WDR26: variants seen among roughly 807,000 people sequenced by gnomAD.
The protein encoded by WDR26 is WD repeat domain 26.
In WDR26, 5 loss-of-function variants were observed where a neutral mutation model predicts 84.1. That is an observed-to-expected ratio of 0.06 (90% CI 0.03 to 0.13). The LOEUF is 0.13. Among genes scored for constraint, WDR26 ranks in the 10% least tolerant of loss-of-function variants. The pLI, the probability that WDR26 is intolerant of heterozygous loss-of-function variation, is 1.00. For synonymous variants in WDR26, 415 were observed against 389.6 expected (o/e 1.07, Z -0.77); for missense variants, 642 against 974.9 (o/e 0.66, Z 4.55).
Position 224,404,588 on chromosome 1 carries a change from C to T in WDR26, c.1459-18G>A. Reference sequence around the variant, plus strand: ...TGTGTATCCTGGGAGGGAAAATAAACAATTCAGTTAACCCCTATCACTAAA... The same window carrying T: ...TGTGTATCCTGGGAGGGAAAATAAATAATTCAGTTAACCCCTATCACTAAA... On this transcript the variant is annotated intron_variant, in intron 7 of 13. Transcript: ENST00000414423. 1 of 1,605,860 alleles carries T rather than the reference C, an allele frequency of 6.2e-7. No individual in the cohort carries two copies. Among genetic ancestry groups the T allele is most frequent in the African/African-American group, 1.3e-5 (1 of 74,730 alleles).
At chr1:224,415,686 C>T (rs1032652080) in intron 6 of WDR26, among the ~76,000 whole-genome samples, 9 of 152,184 alleles carry the variant, frequency 5.9e-5, no homozygotes, top group African/African-American at 1.7e-4. Flanking sequence ...TGGTCTTGAT[C>T]TCCCGACCTC....
chr1:224,425,356 A>G (rs1326692345), intron 3 of WDR26, among the ~76,000 whole-genome samples: 1 of 152,234 alleles, frequency 6.6e-6, no homozygotes, highest in Non-Finnish European at 1.5e-5. Context: ...AGGTTTTTAA[A>G]AAGATTCAAT....
chr1:224,390,344 T>G (rs996694162), intron 13 of WDR26, among the ~76,000 whole-genome samples: 1 of 152,224 alleles, frequency 6.6e-6, no homozygotes, highest in African/African-American at 2.4e-5. Context: ...GGTCTTGAAC[T>G]CCTGAGCTCA....
chr1:224,406,590 T>C (rs1269265933), intron 7 of WDR26, among the ~76,000 whole-genome samples: 1 of 152,222 alleles, frequency 6.6e-6, no homozygotes, highest in Non-Finnish European at 1.5e-5. Context: ...ATCACCATTG[T>C]TTTGATAAAA....
chr1:224,389,702 T>C lies in WDR26; in HGVS notation c.*133A>G, dbSNP rs1673072172. ...TGTAAATGTTTGGCCCCAATCGGGC[T>C]TCAGAAATGGTTCTTTTTTCATGAC... On this transcript the variant is annotated 3_prime_UTR_variant, in exon 14 of 14. Transcript: ENST00000414423. 4.2e-6 allele frequency: 4 copies of C among 963,676 alleles called. No homozygotes were observed. Among genetic ancestry groups the C allele is most frequent in the Admixed American group, 4.1e-5 (2 of 48,454 alleles). The allele number at this position is 963,676 out of a possible 1,614,324, so 59.7% of individuals were successfully genotyped here.
rs61138605 is a variant in WDR26 at position 224,419,481 on chromosome 1, G to C, written c.1162+37C>G. 233 of 1,477,562 alleles carry C rather than the reference G, an allele frequency of 1.6e-4. 1 individual carries two copies. In the East Asian group the frequency reaches 5.2e-3, roughly 33 times the overall value. 91.5% of individuals were successfully genotyped at this position (1,477,562 alleles called of 1,614,324 possible). On this transcript the variant is annotated intron_variant, in intron 5 of 13. Coordinates refer to ENST00000414423, the MANE Select transcript of WDR26 (RefSeq NM_001379403.1). Reference sequence around the variant, plus strand: ...ATCACTGTATCCATTTGTAATCTAAGAGAAAACACAGCAACATAAAAAATT... The same window carrying C: ...ATCACTGTATCCATTTGTAATCTAACAGAAAACACAGCAACATAAAAAATT...
At chr1:224,401,671 CAAAAAAAAAAA>C (rs767368281) in intron 8 of WDR26, among the ~76,000 whole-genome samples, 5 of 49,648 alleles carry the variant, frequency 1.0e-4, no homozygotes, top group African/African-American at 5.9e-4. Flanking sequence ...GAGACTGTCT[CAAAAAAAAAAA>C]AAAAAAAGAA....
At chr1:224,398,637 C>A (rs779062270) in intron 10 of WDR26, 44 bp from the exon 11 acceptor site, 3 of 1,509,388 alleles carry the variant, frequency 2.0e-6, no homozygotes, top group South Asian at 2.4e-5. Context: ...TATTAACAGT[C>A]AAGACATTCA....
rs1163701461 is a variant in WDR26 at position 224,387,081 on chromosome 1, A to G, written c.*2754T>C. The G allele has an allele frequency of 3.3e-5, 5 of 152,754 alleles. No homozygotes were observed. The East Asian group carries it at 9.6e-4, about 29-fold the overall frequency. 9.5% of individuals were successfully genotyped at this position (152,754 alleles called of 1,614,324 possible). A position where few individuals can be genotyped will look rare whatever the true frequency, so the allele number is the denominator to read the frequency against. On this transcript the variant is annotated 3_prime_UTR_variant, in exon 14 of 14. Transcript: ENST00000414423. ...AAACATTTTTAAGCACATGGAAATG[A>G]GCCTACTAACCTGATTTTTGGAGCC...
rs1673334322 is a variant in WDR26, at chr1:224,398,956, C to T, written c.1798G>A (p.Val600Ile). The change falls in exon 10 of 14, where the codon GTT becomes ATT. Residue 600 changes from valine to isoleucine, a missense_variant. Transcript: ENST00000414423. Reference sequence around the variant, plus strand: ...CGCTGGTGTGTATCTGATGCCAGAACAGTCTTTCCATCACTCAAGCACCAA... The same window carrying T: ...CGCTGGTGTGTATCTGATGCCAGAATAGTCTTTCCATCACTCAAGCACCAA... 1.2e-6 allele frequency: 2 copies of T among 1,613,130 alleles called. No homozygotes were observed. The highest frequency in any genetic ancestry group is 1.7e-6 in the Non-Finnish European group (2 of 1,179,728).
At chr1:224,428,059 C>T (rs543749048) in intron 3 of WDR26, among the ~76,000 whole-genome samples, 2 of 152,226 alleles carry the variant, frequency 1.3e-5, no homozygotes, top group Admixed American at 1.3e-4. Context: ...TGATTTTTTA[C>T]CATCTCTGGG....
Position 224,434,624 on chromosome 1 carries a change from G to T in WDR26, c.-219C>A. ...GGTGCGCGGCCCGGGGGTCGCGCCG[G>T]GGGGCGCCGCGGGGCGGCTGCGGGG... On this transcript the variant is annotated 5_prime_UTR_variant, in exon 1 of 14. Coordinates refer to ENST00000414423, the MANE Select transcript of WDR26 (RefSeq NM_001379403.1). 1 of 599,390 alleles carries T rather than the reference G, an allele frequency of 1.7e-6. No homozygotes were observed. Among genetic ancestry groups the T allele is most frequent in the Non-Finnish European group, 2.1e-6 (1 of 480,152 alleles). 37.1% of individuals were successfully genotyped at this position (599,390 alleles called of 1,614,324 possible).
intron 1 of WDR26, 62 bp downstream of exon 1, chr1:224,433,600 TCCCCCCTCCGCCCCTTCCCCTA>T: frequency 3.5e-6 from 1 of 287,036 alleles, no homozygotes; most frequent in Non-Finnish European, 6.3e-6. Flanking sequence ...CAAGCCCCCC[TCCCCCCTCCGCCCCTTCCCCTA>T]CCCCCCTGGA....
chr1:224,401,671 C>CAAAAAAAAAAAAAAAAAAAAAAAAAA (rs767368281), intron 8 of WDR26, among the ~76,000 whole-genome samples: 20 of 49,644 alleles, frequency 4.0e-4, no homozygotes, highest in African/African-American at 1.7e-3. Context: ...GAGACTGTCT[C>CAAAAAAAAAAAAAAAAAAAAAAAAAA]AAAAAAAAAA....
In WDR26 at chr1:224,387,159, A is replaced by G. The variant is rs1287469150; in HGVS notation, c.*2676T>C. 1 of 152,612 alleles carries G rather than the reference A, an allele frequency of 6.6e-6. No homozygotes were observed. The highest frequency in any genetic ancestry group is 2.4e-5 in the African/African-American group (1 of 41,448). The allele number at this position is 152,612 out of a possible 1,614,324, so 9.5% of individuals were successfully genotyped here. On this transcript the variant is annotated 3_prime_UTR_variant, in exon 14 of 14. Coordinates refer to ENST00000414423, the MANE Select transcript of WDR26 (RefSeq NM_001379403.1). ...GTGCAAAAAGTATTGGTACTTTTCA[A>G]TTTATACATTTGTTAGTATCTTGTG...
rs1020661205 is a variant in WDR26 at position 224,433,605 on chromosome 1, C to G, written c.722+79G>C. On this transcript the variant is annotated intron_variant, in intron 1 of 13. Transcript: ENST00000414423. ...CGAGCTCTTTCAAGCCCCCCTCCCC[C>G]CTCCGCCCCTTCCCCTACCCCCCTG... The G allele has an allele frequency of 9.5e-5, 59 of 622,008 alleles. 1 individual carries two copies. The highest frequency in any genetic ancestry group is 5.8e-4 in the Middle Eastern group (1 of 1,730). The allele number at this position is 622,008 out of a possible 1,614,324, so 38.5% of individuals were successfully genotyped here.
chr1:224,420,473 AAG>A (rs1674027114), intron 4 of WDR26, among the ~76,000 whole-genome samples: 2 of 152,216 alleles, frequency 1.3e-5, no homozygotes, highest in Non-Finnish European at 2.9e-5. Flanking sequence ...CACTTGTAAA[AAG>A]AATATTAAAT....
intron 12 of WDR26, among the ~76,000 whole-genome samples, chr1:224,396,598 T>C (rs534645854): frequency 3.3e-4 from 50 of 152,240 alleles, no homozygotes; most frequent in Non-Finnish European, 6.3e-4. Context: ...AAATTCCCAA[T>C]TGCTACCTAA....
intron 7 of WDR26, among the ~76,000 whole-genome samples, chr1:224,407,548 G>A (rs988564576): frequency 4.9e-5 from 7 of 144,136 alleles, no homozygotes; most frequent in Non-Finnish European, 1.1e-4. Context: ...TTGCTCTGTC[G>A]CCTAGGCTGG....
Sources: allele counts gnomAD v4.1 joint callset (sites outside exome capture counted in the v4.1 genomes callset), GRCh38; gene constraint gnomAD v4.1.1; transcripts MANE v1.5; gene names NCBI Gene and HGNC (gene_info 2026-07-23, HGNC 2026-07-21).